ATXN1: variants seen among roughly 807,000 people sequenced by gnomAD.
ATXN1 encodes ataxin-1.
Under a neutral mutation model 56.4 loss-of-function variants are expected in ATXN1, and 8 were observed. The ratio of observed to expected loss-of-function variants is 0.14; its 90% confidence interval spans 0.08 to 0.26. ATXN1 has a LOEUF of 0.26. ATXN1 is among the 10% of genes least tolerant of loss of function. The probability of loss-of-function intolerance (pLI) is 1.00; values close to 1 mark genes in which losing one functional copy is unlikely to be tolerated. For missense variants in ATXN1, 987 were observed against 1,106.5 expected (o/e 0.89, Z 1.53); for synonymous variants, 514 against 494.6 (o/e 1.04, Z -0.52).
intron 4 of ATXN1, among the ~76,000 whole-genome samples, chr6:16,531,397 T>G (rs886254319): frequency 2.0e-5 from 3 of 152,108 alleles, no homozygotes; most frequent in African/African-American, 7.2e-5. Context: ...CCGAGGCCAG[T>G]GGATCACCTG....
intron 6 of ATXN1, among the ~76,000 whole-genome samples, chr6:16,473,710 T>C (rs1760267229): frequency 2.0e-5 from 3 of 152,036 alleles, no homozygotes; most frequent in African/African-American, 7.3e-5. Context: ...CTGGTGGAGT[T>C]CTCCCACCAG....
chr6:16,536,604 CTCATT>C (rs1377183555), intron 4 of ATXN1, among the ~76,000 whole-genome samples: 1 of 152,150 alleles, frequency 6.6e-6, no homozygotes, highest in African/African-American at 2.4e-5. Flanking sequence ...TGGGGGACAT[CTCATT>C]TAACAAAAAT....
At chr6:16,441,582 G>A (rs1759517663) in intron 6 of ATXN1, among the ~76,000 whole-genome samples, 1 of 151,658 alleles carries the variant, frequency 6.6e-6, no homozygotes, top group South Asian at 2.1e-4. Context: ...AAAAGAAAAT[G>A]AGGCAGTAAG....
chr6:16,554,553 G>C (rs539458518), intron 4 of ATXN1, among the ~76,000 whole-genome samples: 48 of 152,202 alleles, frequency 3.2e-4, no homozygotes, highest in Non-Finnish European at 5.9e-4. Context: ...CCAGATTCAA[G>C]CAATTCTCCT....
chr6:16,517,569 C>A (rs1761207489), intron 5 of ATXN1, among the ~76,000 whole-genome samples: 1 of 152,062 alleles, frequency 6.6e-6, no homozygotes. Flanking sequence ...ATTAGAGGAA[C>A]AAGAATGATT....
intron 2 of ATXN1, among the ~76,000 whole-genome samples, chr6:16,677,965 C>G (rs1254556265): frequency 3.3e-5 from 5 of 152,134 alleles, no homozygotes; most frequent in African/African-American, 1.2e-4. Context: ...TTTCTTGCAA[C>G]TTTTATCAGG....
At chr6:16,549,062 A>G (rs1477888302) in intron 4 of ATXN1, among the ~76,000 whole-genome samples, 1 of 152,182 alleles carries the variant, frequency 6.6e-6, no homozygotes, top group Non-Finnish European at 1.5e-5. Flanking sequence ...CTTCAGGGCA[A>G]TAACACACAT....
intron 4 of ATXN1, among the ~76,000 whole-genome samples, chr6:16,580,195 C>T (rs188263816): frequency 3.9e-5 from 6 of 152,186 alleles, no homozygotes; most frequent in African/African-American, 1.2e-4. Flanking sequence ...GAGCACAGAT[C>T]TTGAGTTAGG....
chr6:16,673,583 T>C (rs567247939), intron 2 of ATXN1, among the ~76,000 whole-genome samples: 2 of 152,328 alleles, frequency 1.3e-5, no homozygotes, highest in African/African-American at 4.8e-5. Flanking sequence ...TGATCCTTGG[T>C]TGAGGCAGAG....
In ATXN1 at chr6:16,470,000, T is replaced by G. The variant is rs572598455; in HGVS notation, c.-161+15972A>C. 4.0e-5 allele frequency among the ~76,000 whole-genome samples: 6 copies of G among 151,310 alleles called. No homozygotes were observed. The East Asian group carries it at 1.2e-3, about 29-fold the overall frequency. On this transcript the variant is annotated intron_variant, in intron 6 of 7. Coordinates refer to ENST00000436367, the MANE Select transcript of ATXN1 (RefSeq NM_001128164.2). ...GAAAAAGAGAGAGTTGATGAATGGT[T>G]TCAAAGAGTTTCAAAGAGATATTTG...
intron 4 of ATXN1, among the ~76,000 whole-genome samples, chr6:16,551,806 C>T (rs1761925129): frequency 6.6e-6 from 1 of 152,180 alleles, no homozygotes; most frequent in Admixed American, 6.5e-5. Flanking sequence ...TAGATCTCTA[C>T]AGTCCCTAAT....
intron 5 of ATXN1, among the ~76,000 whole-genome samples, chr6:16,498,546 C>A (rs1359873905): frequency 2.6e-5 from 4 of 152,156 alleles, no homozygotes; most frequent in African/African-American, 9.7e-5. Flanking sequence ...CTGTATTTAG[C>A]TATTTGAGGA....
intron 4 of ATXN1, among the ~76,000 whole-genome samples, chr6:16,536,777 T>A (rs1337550293): frequency 6.6e-6 from 1 of 152,234 alleles, no homozygotes; most frequent in Non-Finnish European, 1.5e-5. Flanking sequence ...TGTTTATTAA[T>A]TAGCAAAAAG....
intron 1 of ATXN1, among the ~76,000 whole-genome samples, chr6:16,755,156 G>A (rs1581426833): frequency 6.6e-6 from 1 of 152,300 alleles, no homozygotes; most frequent in Non-Finnish European, 1.5e-5. Flanking sequence ...AAGTGCAGAG[G>A]AGGGTCAAAC....
At chr6:16,705,164 C>T (rs1430313238) in intron 2 of ATXN1, among the ~76,000 whole-genome samples, 2 of 152,180 alleles carry the variant, frequency 1.3e-5, no homozygotes, top group Non-Finnish European at 2.9e-5. Context: ...TGGGGGAGGG[C>T]TAAAGTGAAG....
intron 1 of ATXN1, among the ~76,000 whole-genome samples, chr6:16,756,261 TTC>T (rs1439506760): frequency 2.6e-5 from 4 of 152,154 alleles, no homozygotes; most frequent in Non-Finnish European, 2.9e-5. Flanking sequence ...GTAATTACCG[TTC>T]TTTCAGCCAA....
At chr6:16,607,866 C>T (rs757002086) in intron 3 of ATXN1, among the ~76,000 whole-genome samples, 5 of 152,078 alleles carry the variant, frequency 3.3e-5, no homozygotes, top group Admixed American at 1.3e-4. Flanking sequence ...CCAAGGCATC[C>T]GAGGAAAAAG....
intron 6 of ATXN1, among the ~76,000 whole-genome samples, chr6:16,337,703 G>A (rs1169483366): frequency 4.6e-5 from 7 of 152,196 alleles, no homozygotes; most frequent in African/African-American, 7.2e-5. Context: ...GGGCACCCAC[G>A]TTTCTGTTTA....
intron 2 of ATXN1, among the ~76,000 whole-genome samples, chr6:16,735,838 A>AG (rs1760110685): frequency 6.6e-6 from 1 of 152,186 alleles, no homozygotes; most frequent in Non-Finnish European, 1.5e-5. Context: ...AGAAAAAAAA[A>AG]CTGTCCCTCA....
Sources: gnomAD v4.1 joint callset for allele counts (sites outside exome capture counted in the v4.1 genomes callset) on GRCh38, gnomAD v4.1.1 for gene constraint, MANE v1.5 for transcripts, NCBI Gene and HGNC (gene_info 2026-07-23, HGNC 2026-07-21) for gene names.